The following MAGI2 variants were observed in gnomAD, a reference collection of about 807,000 sequenced individuals.
MAGI2 encodes the protein membrane associated guanylate kinase, WW and PDZ domain containing 2.
MAGI2 carries 35 observed loss-of-function variants against 133.3 expected under a neutral mutation model. That is an observed-to-expected ratio of 0.26 (90% CI 0.20 to 0.35). The LOEUF (loss-of-function observed/expected upper bound fraction) is 0.35, where lower values mean the gene tolerates loss of function less well. Among genes scored for constraint, MAGI2 ranks in the 10% least tolerant of loss-of-function variants. The pLI is 1.00. For synonymous variants in MAGI2, 729 were observed against 710.6 expected (o/e 1.03, Z -0.41); for missense variants, 1,636 against 1,863.4 (o/e 0.88, Z 2.25).
intron 6 of MAGI2, among the ~76,000 whole-genome samples, chr7:78,449,414 A>C (rs997392979): frequency 6.6e-6 from 1 of 152,110 alleles, no homozygotes; most frequent in African/African-American, 2.4e-5. Context: ...ACTTTGTGCC[A>C]TTCCATAAAA....
At chr7:78,982,513 ATTT>A (rs1162113822) in intron 2 of MAGI2, among the ~76,000 whole-genome samples, 1 of 151,598 alleles carries the variant, frequency 6.6e-6, no homozygotes, top group African/African-American at 2.4e-5. Flanking sequence ...TTAGCAGTTA[ATTT>A]TTTTTAACAA....
At chr7:79,407,605 T>C (rs1845892743) in intron 1 of MAGI2, among the ~76,000 whole-genome samples, 1 of 152,154 alleles carries the variant, frequency 6.6e-6, no homozygotes, top group Non-Finnish European at 1.5e-5. Context: ...ATGACGAACA[T>C]TGCTATGAGC....
intron 2 of MAGI2, among the ~76,000 whole-genome samples, chr7:78,988,199 C>T (rs1386363736): frequency 2.0e-5 from 3 of 152,008 alleles, no homozygotes; most frequent in Admixed American, 2.0e-4. Context: ...TATTTACATC[C>T]ATGTCCAGAA....
chr7:79,100,168 T>G (rs1011932858), intron 1 of MAGI2, among the ~76,000 whole-genome samples: 2 of 152,156 alleles, frequency 1.3e-5, no homozygotes, highest in Admixed American at 6.5e-5. Context: ...TTTTTTAGGT[T>G]TATCTGTGCT....
At chr7:79,094,752 T>A (rs1308498757) in intron 1 of MAGI2, among the ~76,000 whole-genome samples, 1 of 152,230 alleles carries the variant, frequency 6.6e-6, no homozygotes, top group Non-Finnish European at 1.5e-5. Context: ...AGGTGTATTG[T>A]CAATGAGCAA....
intron 2 of MAGI2, among the ~76,000 whole-genome samples, chr7:78,929,153 A>G (rs1270083701): frequency 2.0e-5 from 3 of 152,128 alleles, no homozygotes; most frequent in Non-Finnish European, 2.9e-5. Flanking sequence ...ATTGACACTG[A>G]GCAGTTTATC....
chr7:78,261,002 C>T (rs990295911), intron 9 of MAGI2, among the ~76,000 whole-genome samples: 1 of 152,068 alleles, frequency 6.6e-6, no homozygotes, highest in Non-Finnish European at 1.5e-5. Flanking sequence ...TTCCTCTACC[C>T]CCGCATTCTT....
chr7:78,358,647 G>A (rs1377763829), intron 7 of MAGI2: 4 of 198,080 alleles, frequency 2.0e-5, no homozygotes, highest in East Asian at 3.3e-4. Context: ...TAGGTTGTAC[G>A]ACTGAAGCCT....
intron 1 of MAGI2, among the ~76,000 whole-genome samples, chr7:79,024,595 G>T (rs1809683009): frequency 6.6e-6 from 1 of 152,092 alleles, no homozygotes; most frequent in Non-Finnish European, 1.5e-5. Flanking sequence ...GAAAATATTT[G>T]CAAACTATAC....
intron 1 of MAGI2, among the ~76,000 whole-genome samples, chr7:79,377,159 T>G (rs567046260): frequency 6.6e-6 from 1 of 151,860 alleles, no homozygotes; most frequent in Non-Finnish European, 1.5e-5. Flanking sequence ...GTCAGATATA[T>G]TAGGGCTGGT....
intron 21 of MAGI2, among the ~76,000 whole-genome samples, chr7:78,050,809 C>G (rs1345414291): frequency 6.6e-6 from 1 of 152,162 alleles, no homozygotes; most frequent in African/African-American, 2.4e-5. Flanking sequence ...CTTAATGAAA[C>G]AGCACATATT....
intron 10 of MAGI2, among the ~76,000 whole-genome samples, chr7:78,214,585 C>T (rs759358150): frequency 3.7e-4 from 57 of 152,152 alleles, no homozygotes; most frequent in Non-Finnish European, 7.2e-4. Flanking sequence ...CTACTTTGGT[C>T]TACAAATCTA....
intron 2 of MAGI2, among the ~76,000 whole-genome samples, chr7:78,779,334 C>CT (rs560740343): frequency 2.8e-4 from 42 of 152,280 alleles, no homozygotes; most frequent in African/African-American, 7.7e-4. Context: ...GCCTGAATGG[C>CT]TTTCACTATT....
At chr7:78,757,766 T>A (rs1824101184) in intron 2 of MAGI2, among the ~76,000 whole-genome samples, 1 of 152,184 alleles carries the variant, frequency 6.6e-6, no homozygotes, top group African/African-American at 2.4e-5. Context: ...CCTCAACTAT[T>A]AAATACACCC....
At chr7:79,065,314 T>C (rs915837125) in intron 1 of MAGI2, among the ~76,000 whole-genome samples, 1 of 152,108 alleles carries the variant, frequency 6.6e-6, no homozygotes, top group Non-Finnish European at 1.5e-5. Context: ...ACTTATTTGC[T>C]TATAAACAAG....
At chr7:78,738,989 G>C (rs1001196618) in intron 2 of MAGI2, among the ~76,000 whole-genome samples, 1 of 152,132 alleles carries the variant, frequency 6.6e-6, no homozygotes, top group Non-Finnish European at 1.5e-5. Flanking sequence ...AGAGAATCTA[G>C]GAAACAGAAA....
chr7:78,860,232 CCTT>C (rs1794039510), intron 2 of MAGI2, among the ~76,000 whole-genome samples: 2 of 152,318 alleles, frequency 1.3e-5, no homozygotes, highest in South Asian at 2.1e-4. Flanking sequence ...TCATCTGAAG[CCTT>C]CTTCTCTCAA....
chr7:78,444,226 A>G (rs1284435288), intron 6 of MAGI2, among the ~76,000 whole-genome samples: 2 of 152,140 alleles, frequency 1.3e-5, no homozygotes, highest in Non-Finnish European at 2.9e-5. Context: ...TTAGTTGGCT[A>G]TATGTATATG....
At chr7:79,158,570 C>T (rs959258336) in intron 1 of MAGI2, among the ~76,000 whole-genome samples, 1 of 151,976 alleles carries the variant, frequency 6.6e-6, no homozygotes, top group Non-Finnish European at 1.5e-5. Context: ...AACTAGAAAG[C>T]CCATCCGAAA....
Sources: gnomAD v4.1 joint callset for allele counts (sites outside exome capture counted in the v4.1 genomes callset) on GRCh38, gnomAD v4.1.1 for gene constraint, MANE v1.5 for transcripts, NCBI Gene and HGNC (gene_info 2026-07-23, HGNC 2026-07-21) for gene names.